The following NELL1 variants were observed in gnomAD, a reference collection of about 807,000 sequenced individuals.
NELL1 encodes protein kinase C-binding protein NELL1.
Under a neutral mutation model 107.4 loss-of-function variants are expected in NELL1, and 76 were observed. That is an observed-to-expected ratio of 0.71 (90% CI 0.59 to 0.86). NELL1 has a LOEUF of 0.86. NELL1 is among the 40% of genes least tolerant of loss of function. NELL1 has a pLI of 0.00. For synonymous variants in NELL1, 353 were observed against 341.2 expected, an observed-to-expected ratio of 1.03 and a Z score of -0.38; for missense variants, 1,024 against 1,005.5, an observed-to-expected ratio of 1.02 and a Z score of -0.25.
At chr11:21,362,461 T>C (rs1368810159) in intron 14 of NELL1, among the ~76,000 whole-genome samples, 2 of 152,200 alleles carry the variant, frequency 1.3e-5, no homozygotes, top group East Asian at 3.9e-4. Context: ...GCTAGCTTTC[T>C]TGAATGCTGG....
chr11:20,774,776 A>G (rs1467010374), intron 2 of NELL1, among the ~76,000 whole-genome samples: 1 of 152,144 alleles, frequency 6.6e-6, no homozygotes, highest in African/African-American at 2.4e-5. Flanking sequence ...TCTTTATAAG[A>G]ACATCGAGAG....
At chr11:21,268,792 T>C (rs1302106171) in intron 14 of NELL1, among the ~76,000 whole-genome samples, 1 of 152,178 alleles carries the variant, frequency 6.6e-6, no homozygotes, top group Non-Finnish European at 1.5e-5. Flanking sequence ...AAGCACAGTT[T>C]TAAAACATAG....
At chr11:21,532,991 A>G (rs1359411214) in intron 15 of NELL1, among the ~76,000 whole-genome samples, 1 of 152,198 alleles carries the variant, frequency 6.6e-6, no homozygotes, top group Non-Finnish European at 1.5e-5. Flanking sequence ...GGAATTTATA[A>G]TAAACACACA....
At chr11:20,883,518 C>G (rs7103801) in intron 4 of NELL1, among the ~76,000 whole-genome samples, 131,972 of 152,212 alleles carry the variant, frequency 0.87, 57,264 homozygotes, top group East Asian at 0.94. Context: ...TAAAATTGAG[C>G]TTAAGGTAAA....
At chr11:20,695,381 G>C (rs1854587434) in intron 2 of NELL1, among the ~76,000 whole-genome samples, 1 of 152,074 alleles carries the variant, frequency 6.6e-6, no homozygotes, top group South Asian at 2.1e-4. Context: ...ATTTCTCAAG[G>C]GGAATGCTCC....
At chr11:20,807,544 C>T (rs1410316886) in intron 3 of NELL1, among the ~76,000 whole-genome samples, 1 of 152,192 alleles carries the variant, frequency 6.6e-6, no homozygotes, top group South Asian at 2.1e-4. Context: ...ATAACCGCTA[C>T]CTGTCTGCTG....
chr11:21,054,539 G>A (rs79217817), intron 12 of NELL1, among the ~76,000 whole-genome samples: 2,772 of 152,084 alleles, frequency 0.018, 75 homozygotes, highest in African/African-American at 0.062. Context: ...TCAAAAAAGT[G>A]TGTAACCATT....
intron 13 of NELL1, among the ~76,000 whole-genome samples, chr11:21,212,845 C>T (rs1315657141): frequency 6.6e-6 from 1 of 152,094 alleles, no homozygotes; most frequent in African/African-American, 2.4e-5. Flanking sequence ...CAACATAGCA[C>T]TGGAAGTTTT....
chr11:21,218,951 G>A (rs528001023), intron 13 of NELL1, among the ~76,000 whole-genome samples: 2 of 152,178 alleles, frequency 1.3e-5, no homozygotes, highest in African/African-American at 4.8e-5. Context: ...GTAAATATGG[G>A]GGTGCAAATA....
chr11:20,796,672 G>A (rs1358426661), intron 3 of NELL1, among the ~76,000 whole-genome samples: 2 of 152,108 alleles, frequency 1.3e-5, no homozygotes, highest in East Asian at 3.9e-4. Flanking sequence ...AAGCTGTCTT[G>A]TCAGCATCAT....
Position 21,560,993 on chromosome 11 carries a change from G to A in NELL1, c.1980+611G>A, listed in dbSNP as rs539746629. ...GAAAATAAAATTCTGTCATCATTTG[G>A]TTTTGCTTTATGCTTTGCAAAATGG... On this transcript the variant is annotated intron_variant, in intron 17 of 19. Coordinates refer to ENST00000357134, the MANE Select transcript of NELL1 (RefSeq NM_006157.5). 2.6e-5 allele frequency among the ~76,000 whole-genome samples: 4 copies of A among 152,164 alleles called. No individual in the cohort carries two copies. In the South Asian group the frequency reaches 8.3e-4, roughly 32 times the overall value.
At chr11:21,288,918 C>A (rs539176233) in intron 14 of NELL1, among the ~76,000 whole-genome samples, 2 of 152,246 alleles carry the variant, frequency 1.3e-5, no homozygotes, top group South Asian at 4.2e-4. Context: ...GTATTTTGAT[C>A]TCCTCACAGC....
intron 12 of NELL1, among the ~76,000 whole-genome samples, chr11:21,110,764 G>A (rs1855087410): frequency 6.6e-6 from 1 of 152,118 alleles, no homozygotes; most frequent in South Asian, 2.1e-4. Flanking sequence ...ATCTCTGTGA[G>A]TAAAATACCA....
intron 15 of NELL1, among the ~76,000 whole-genome samples, chr11:21,488,105 T>G (rs570302848): frequency 9.9e-5 from 15 of 152,226 alleles, no homozygotes; most frequent in Admixed American, 2.6e-4. Context: ...TTCTCACCAT[T>G]AGACAGATTC....
At chr11:21,562,440 GTA>G in intron 17 of NELL1, among the ~76,000 whole-genome samples, 1 of 152,134 alleles carries the variant, frequency 6.6e-6, no homozygotes, top group South Asian at 2.1e-4. Flanking sequence ...TGTTCTACAT[GTA>G]CTCATTGCCC....
At chr11:21,327,971 C>T (rs1177738491) in intron 14 of NELL1, among the ~76,000 whole-genome samples, 2 of 151,980 alleles carry the variant, frequency 1.3e-5, no homozygotes, top group Non-Finnish European at 1.5e-5. Flanking sequence ...GGAAGCAGAG[C>T]ATAAATGTTT....
intron 13 of NELL1, among the ~76,000 whole-genome samples, chr11:21,184,356 C>A (rs1324570912): frequency 6.6e-6 from 1 of 151,732 alleles, no homozygotes; most frequent in Non-Finnish European, 1.5e-5. Context: ...GCAACCTCCG[C>A]CTCCTGGGTT....
In NELL1 at chr11:21,528,931, G is replaced by A. The variant is rs944153300; in HGVS notation, c.1646-5443G>A. 4.6e-5 allele frequency among the ~76,000 whole-genome samples: 7 copies of A among 151,512 alleles called. No individual in the cohort carries two copies. In the South Asian group the frequency reaches 1.3e-3, roughly 27 times the overall value. The stretch of plus-strand genomic sequence containing the variant: ...TTTTTTTCCTTGTTTGCTTGTTTCT[G>A]TTTTTATTTTTAGATATTGCATCAG... On this transcript the variant is annotated intron_variant, in intron 15 of 19. Transcript: ENST00000357134.
At chr11:21,318,119 T>C (rs1044215078) in intron 14 of NELL1, among the ~76,000 whole-genome samples, 10 of 152,304 alleles carry the variant, frequency 6.6e-5, no homozygotes, top group Admixed American at 5.9e-4. Flanking sequence ...CCTGTTACCC[T>C]CTACAGCCTA....
Sources: allele counts gnomAD v4.1 joint callset (sites outside exome capture counted in the v4.1 genomes callset), GRCh38; gene constraint gnomAD v4.1.1; transcripts MANE v1.5; gene names NCBI Gene and HGNC (gene_info 2026-07-23, HGNC 2026-07-21).